The following RGS6 variants were observed in gnomAD, a reference collection of about 807,000 sequenced individuals.
RGS6 encodes the protein regulator of G protein signaling 6.
Under a neutral mutation model 78.5 loss-of-function variants are expected in RGS6, and 30 were observed. The ratio of observed to expected loss-of-function variants is 0.38; its 90% CI spans 0.29 to 0.52. The LOEUF is 0.52. Among genes scored for constraint, RGS6 ranks in the 20% least tolerant of loss-of-function variants. The pLI, the probability that RGS6 is intolerant of heterozygous loss-of-function variation, is 0.85. For missense variants in RGS6, 495 were observed against 609.7 expected (o/e 0.81, Z 1.98); for synonymous variants, 206 against 206.0 (o/e 1.00, Z 0.00).
At chr14:72,372,693 TC>T (rs2083754727) in intron 3 of RGS6, among the ~76,000 whole-genome samples, 1 of 152,190 alleles carries the variant, frequency 6.6e-6, no homozygotes, top group Non-Finnish European at 1.5e-5. Flanking sequence ...TCTAAATTTT[TC>T]CTCCCACTAA....
chr14:72,547,807 A>G (rs1190323277), intron 17 of RGS6, among the ~76,000 whole-genome samples: 1 of 152,122 alleles, frequency 6.6e-6, no homozygotes, highest in Non-Finnish European at 1.5e-5. Flanking sequence ...AGCATGAGCA[A>G]CAGCACCATG....
chr14:72,047,419 A>G (rs550024780), intron 2 of RGS6, among the ~76,000 whole-genome samples: 46 of 152,314 alleles, frequency 3.0e-4, no homozygotes, highest in African/African-American at 1.1e-3. Context: ...GAGGACACTG[A>G]AGGTCCAACA....
At chr14:72,532,739 A>G (rs542363090) in intron 15 of RGS6, among the ~76,000 whole-genome samples, 2 of 152,368 alleles carry the variant, frequency 1.3e-5, no homozygotes, top group South Asian at 4.1e-4. Context: ...ATCAGACACA[A>G]CATTCCCTTA....
chr14:72,115,504 T>C (rs1007687943), intron 2 of RGS6, among the ~76,000 whole-genome samples: 17 of 152,290 alleles, frequency 1.1e-4, no homozygotes, highest in Admixed American at 3.9e-4. Context: ...CCGACTGCCC[T>C]TCTCCATGGA....
intron 2 of RGS6, among the ~76,000 whole-genome samples, chr14:71,970,220 G>A (rs978972526): frequency 1.3e-5 from 2 of 152,150 alleles, no homozygotes; most frequent in Non-Finnish European, 2.9e-5. Flanking sequence ...TGTCATAGAT[G>A]AAATAGGGGT....
At chr14:72,250,123 G>A (rs1448660601) in intron 2 of RGS6, among the ~76,000 whole-genome samples, 2 of 150,372 alleles carry the variant, frequency 1.3e-5, no homozygotes, top group Non-Finnish European at 3.0e-5. Context: ...ATAGCACTGG[G>A]AGATATACCT....
At chr14:72,518,067 T>C (rs2096977061) in intron 14 of RGS6, among the ~76,000 whole-genome samples, 1 of 152,200 alleles carries the variant, frequency 6.6e-6, no homozygotes, top group African/African-American at 2.4e-5. Flanking sequence ...GAAGTGGCAA[T>C]AGTGCTGAGG....
At chr14:72,352,604 AAG>A (rs1258699982) in intron 3 of RGS6, among the ~76,000 whole-genome samples, 3 of 152,218 alleles carry the variant, frequency 2.0e-5, no homozygotes, top group African/African-American at 7.2e-5. Flanking sequence ...GACCTCCTGA[AAG>A]AGAGGTTTTA....
chr14:72,013,245 T>G (rs1211786810), intron 2 of RGS6, among the ~76,000 whole-genome samples: 1 of 118,460 alleles, frequency 8.4e-6, no homozygotes. Context: ...CACTCCAGCC[T>G]AGGTGACAGA....
At chr14:72,266,688 C>G (rs2059119620) in intron 2 of RGS6, among the ~76,000 whole-genome samples, 1 of 152,176 alleles carries the variant, frequency 6.6e-6, no homozygotes, top group Admixed American at 6.5e-5. Flanking sequence ...TGTGGGGATA[C>G]CTCTTCTGAT....
chr14:72,377,672 G>C (rs2085100939), intron 3 of RGS6, among the ~76,000 whole-genome samples: 1 of 152,054 alleles, frequency 6.6e-6, no homozygotes, highest in African/African-American at 2.4e-5. Flanking sequence ...ATCTCAAAAA[G>C]CTTTTCAAAA....
intron 1 of RGS6, among the ~76,000 whole-genome samples, chr14:71,936,030 A>ATATATATGTATATATATATATATATATG (rs1555390442): frequency 7.5e-6 from 1 of 133,222 alleles, no homozygotes; most frequent in African/African-American, 2.7e-5. Context: ...ATATATATAT[A>ATATATATGTATATATATATATATATATG]TATATATATA....
upstream of RGS6, among the ~76,000 whole-genome samples, chr14:71,930,485 T>C (rs1007849323): frequency 7.2e-5 from 11 of 152,306 alleles, no homozygotes; most frequent in African/African-American, 2.6e-4. Context: ...CATAGATATA[T>C]CAGGAATCCC....
chr14:72,192,322 T>A (rs1286135492), intron 2 of RGS6, among the ~76,000 whole-genome samples: 1 of 152,196 alleles, frequency 6.6e-6, no homozygotes, highest in Non-Finnish European at 1.5e-5. Flanking sequence ...TGTTTATAGC[T>A]GTCTCAAATA....
chr14:72,017,478 T>A (rs1002949699), intron 2 of RGS6, among the ~76,000 whole-genome samples: 19 of 152,344 alleles, frequency 1.2e-4, no homozygotes, highest in Admixed American at 1.2e-3. Flanking sequence ...TTTTTGTTAA[T>A]AAAGTTTTAT....
intron 2 of RGS6, among the ~76,000 whole-genome samples, chr14:72,207,819 G>A (rs1167143645): frequency 4.6e-5 from 7 of 152,068 alleles, no homozygotes; most frequent in Non-Finnish European, 8.8e-5. Context: ...GAGAGACTTC[G>A]GGCAAGGTTA....
chr14:72,588,804 T>G, the RGS6 span, among the ~76,000 whole-genome samples: 25 of 152,276 alleles, frequency 1.6e-4, no homozygotes, highest in Admixed American at 1.5e-3. Context: ...CAGAAAGAAA[T>G]GGGAACTTCC....
At chr14:72,328,026 G>T (rs1471767661) in intron 2 of RGS6, among the ~76,000 whole-genome samples, 2 of 152,140 alleles carry the variant, frequency 1.3e-5, no homozygotes, top group Non-Finnish European at 2.9e-5. Context: ...AAAGCCAGTG[G>T]TAAAATTCAG....
chr14:72,412,875 GT>G (rs1486934313), intron 3 of RGS6, among the ~76,000 whole-genome samples: 1 of 152,076 alleles, frequency 6.6e-6, no homozygotes, highest in African/African-American at 2.4e-5. Context: ...TAGTTGAGCA[GT>G]TTTGAGTGAG....
Sources: gnomAD v4.1 joint callset for allele counts (sites outside exome capture counted in the v4.1 genomes callset) on GRCh38, gnomAD v4.1.1 for gene constraint, MANE v1.5 for transcripts, NCBI Gene and HGNC (gene_info 2026-07-23, HGNC 2026-07-21) for gene names.